The following NEK11 variants were observed in gnomAD, a reference collection of about 807,000 sequenced individuals.
The protein encoded by NEK11 is serine/threonine-protein kinase Nek11.
NEK11 carries 72 observed loss-of-function variants against 80.7 expected under a neutral mutation model. That is an observed-to-expected ratio of 0.89 (90% CI 0.74 to 1.08). NEK11 has a LOEUF of 1.08. NEK11 is among the 50% of genes least tolerant of loss of function. The pLI, the probability that NEK11 is intolerant of heterozygous loss-of-function variation, is 0.00. For missense variants in NEK11, 764 were observed against 763.6 expected, an observed-to-expected ratio of 1.00 and a Z score of -0.01; for synonymous variants, 251 against 260.7, an observed-to-expected ratio of 0.96 and a Z score of 0.36.
In NEK11 at chr3:131,139,880, C is replaced by T. The variant is rs116281271; in HGVS notation, c.647+5924C>T. Among the ~76,000 whole-genome samples, 870 of 152,200 alleles carry T rather than the reference C, an allele frequency of 5.7e-3. 6 individuals carry two copies. Among genetic ancestry groups the T allele is most frequent in the African/African-American group, 0.02 (822 of 41,524 alleles). On this transcript the variant is annotated intron_variant, in intron 7 of 17. Transcript: ENST00000383366. Reference sequence around the variant, plus strand: ...AATTCCAGGATTGGGCACTTTGTAGCGAGGAGCATCAGGGGCGAGGAAAGA... The same window carrying T: ...AATTCCAGGATTGGGCACTTTGTAGTGAGGAGCATCAGGGGCGAGGAAAGA...
At chr3:131,030,252 A>G (rs995245432) in intron 3 of NEK11, among the ~76,000 whole-genome samples, 3 of 151,986 alleles carry the variant, frequency 2.0e-5, no homozygotes, top group Admixed American at 2.0e-4. Context: ...AAAAAAGAAC[A>G]TGGAGTAATG....
chr3:131,122,489 A>G (rs947273948), intron 5 of NEK11, among the ~76,000 whole-genome samples: 4 of 152,224 alleles, frequency 2.6e-5, no homozygotes, highest in Non-Finnish European at 4.4e-5. Context: ...AATGAGACTG[A>G]TGAAGAAAGG....
chr3:131,180,477 T>A (rs545549865), intron 14 of NEK11, among the ~76,000 whole-genome samples: 2 of 152,232 alleles, frequency 1.3e-5, no homozygotes, highest in South Asian at 4.1e-4. Context: ...GGCTTATTTC[T>A]TCATATTCTA....
chr3:131,122,836 A>C (rs1206056945), intron 5 of NEK11, among the ~76,000 whole-genome samples: 1 of 152,110 alleles, frequency 6.6e-6, no homozygotes, highest in African/African-American at 2.4e-5. Flanking sequence ...GGGAAGAATG[A>C]CCTGATGGGG....
intron 14 of NEK11, among the ~76,000 whole-genome samples, chr3:131,222,396 C>T (rs976082013): frequency 3.3e-5 from 5 of 152,116 alleles, no homozygotes; most frequent in African/African-American, 1.2e-4. Context: ...TGTATATCAG[C>T]ATGCTTTTTA....
chr3:131,050,175 C>G (rs952622967), intron 3 of NEK11, among the ~76,000 whole-genome samples: 43 of 152,154 alleles, frequency 2.8e-4, no homozygotes, highest in African/African-American at 1.0e-3. Context: ...ACCTAGTGAT[C>G]AATTATTCAT....
At chr3:131,046,163 AC>A (rs1429898494) in intron 3 of NEK11, among the ~76,000 whole-genome samples, 2 of 152,050 alleles carry the variant, frequency 1.3e-5, no homozygotes, top group Non-Finnish European at 2.9e-5. Context: ...TTGCCTGAAT[AC>A]CTTTTTATTT....
intron 4 of NEK11, among the ~76,000 whole-genome samples, chr3:131,107,085 A>G (rs1401299017): frequency 6.6e-6 from 1 of 152,104 alleles, no homozygotes; most frequent in Non-Finnish European, 1.5e-5. Flanking sequence ...CTGTGTATCC[A>G]TTAAAGAGTG....
intron 11 of NEK11, 112 bp from the exon 12 acceptor site, chr3:131,165,314 C>T: frequency 1.5e-6 from 1 of 682,148 alleles, no homozygotes; most frequent in Non-Finnish European, 2.6e-6. Flanking sequence ...GATGGCCTGG[C>T]TTTCTAATCC....
chr3:131,135,596 G>A (rs2085408323), intron 7 of NEK11, among the ~76,000 whole-genome samples: 1 of 152,066 alleles, frequency 6.6e-6, no homozygotes, highest in African/African-American at 2.4e-5. Flanking sequence ...TCTCTAGTTT[G>A]AGAAATCAAT....
intron 17 of NEK11, 103 bp from the exon 18 acceptor site, chr3:131,349,454 C>T: frequency 2.0e-6 from 2 of 978,242 alleles, no homozygotes; most frequent in Admixed American, 5.2e-5. Flanking sequence ...TTTTCTAAAT[C>T]CCAGAATGAC....
At chr3:131,033,071 A>G (rs1408292417) in intron 3 of NEK11, among the ~76,000 whole-genome samples, 1 of 152,180 alleles carries the variant, frequency 6.6e-6, no homozygotes, top group Non-Finnish European at 1.5e-5. Context: ...GTCATCTTTT[A>G]TATCTCTGTG....
chr3:131,155,915 A>G (rs2090572362), intron 10 of NEK11, among the ~76,000 whole-genome samples: 1 of 152,304 alleles, frequency 6.6e-6, no homozygotes, highest in South Asian at 2.1e-4. Context: ...AAGATACACT[A>G]TATACCACAG....
In NEK11 at chr3:131,170,838, C is replaced by A. The variant is rs369452144; in HGVS notation, c.1350C>A (p.His450Gln). 11 of 1,613,946 alleles carry A rather than the reference C, an allele frequency of 6.8e-6. No individual in the cohort carries two copies. The highest frequency in any genetic ancestry group is 1.1e-5 in the South Asian group (1 of 91,086). ...AGCCTATTCCTTCCATGGACCTCCA[C>A]GAACTTGAATCAATTGTAGAGGATG... Reference protein sequence around the residue: ...ESQPIPSMDLHELESIVEDAT... With the variant: ...ESQPIPSMDLQELESIVEDAT... Residue 450 changes from histidine (H) to glutamine (Q), a missense_variant, in exon 14 of 18, where the codon CAC becomes CAA. Transcript: ENST00000383366.
intron 17 of NEK11, among the ~76,000 whole-genome samples, chr3:131,295,822 A>C (rs990703128): frequency 2.0e-5 from 3 of 152,000 alleles, no homozygotes; most frequent in Admixed American, 2.0e-4. Context: ...AACTAATCCA[A>C]GTTTACTTTC....
intron 3 of NEK11, among the ~76,000 whole-genome samples, chr3:131,071,864 C>A (rs1476319798): frequency 6.6e-6 from 1 of 152,076 alleles, no homozygotes; most frequent in African/African-American, 2.4e-5. Context: ...TAACTGCTTT[C>A]TAAGTAAGTA....
chr3:131,228,282 A>AT (rs769194630), intron 14 of NEK11, among the ~76,000 whole-genome samples: 1 of 152,064 alleles, frequency 6.6e-6, no homozygotes, highest in Non-Finnish European at 1.5e-5. Flanking sequence ...TTATTTAATG[A>AT]TTTTTTTCTT....
At chr3:131,102,648 C>T (rs1025568922) in intron 4 of NEK11, among the ~76,000 whole-genome samples, 6 of 151,994 alleles carry the variant, frequency 3.9e-5, no homozygotes, top group African/African-American at 1.4e-4. Context: ...TGACTATGTG[C>T]CTTGGGGATG....
chr3:131,200,380 A>G (rs979414305), intron 14 of NEK11, among the ~76,000 whole-genome samples: 23 of 152,216 alleles, frequency 1.5e-4, no homozygotes, highest in Admixed American at 2.6e-4. Flanking sequence ...TGCTTCCATT[A>G]CTGGTGGGAG....
Sources: allele counts gnomAD v4.1 joint callset (sites outside exome capture counted in the v4.1 genomes callset), GRCh38; gene constraint gnomAD v4.1.1; transcripts MANE v1.5; gene names NCBI Gene and HGNC (gene_info 2026-07-23, HGNC 2026-07-21).